Variants in GPD2 observed in about 807,000 individuals in gnomAD.
GPD2 encodes glycerol-3-phosphate dehydrogenase 2.
GPD2 carries 54 observed loss-of-function variants against 82.4 expected under a neutral mutation model. The ratio of observed to expected loss-of-function variants is 0.66; its 90% confidence interval spans 0.53 to 0.82. The LOEUF (loss-of-function observed/expected upper bound fraction) is 0.82, where lower values mean the gene tolerates loss of function less well. Ranked by LOEUF, GPD2 falls within the 40% of genes least tolerant of loss-of-function variation. GPD2 has a pLI of 0.00. For synonymous variants in GPD2, 288 were observed against 306.1 expected (o/e 0.94, Z 0.62); for missense variants, 748 against 896.2 (o/e 0.83, Z 2.11).
intron 3 of GPD2, among the ~76,000 whole-genome samples, chr2:156,506,025 G>C (rs1005478144): frequency 3.3e-5 from 5 of 152,172 alleles, no homozygotes; most frequent in Non-Finnish European, 7.3e-5. Context: ...TGGTTGGTTG[G>C]TTAATTAGTT....
intron 2 of GPD2, among the ~76,000 whole-genome samples, chr2:156,487,051 A>T (rs1162556905): frequency 6.6e-6 from 1 of 152,178 alleles, no homozygotes; most frequent in African/African-American, 2.4e-5. Context: ...CATGCCTGTA[A>T]TCCCAGCACT....
At chr2:156,526,809 C>CT (rs1157657575) in intron 6 of GPD2, among the ~76,000 whole-genome samples, 2 of 152,044 alleles carry the variant, frequency 1.3e-5, no homozygotes, top group African/African-American at 4.8e-5. Context: ...GAGGAAATAA[C>CT]TGACATTGCA....
At chr2:156,479,013 C>T (rs1284090256) in intron 2 of GPD2, among the ~76,000 whole-genome samples, 1 of 152,180 alleles carries the variant, frequency 6.6e-6, no homozygotes, top group Non-Finnish European at 1.5e-5. Context: ...TTGGTACTCC[C>T]AGGACAAAGC....
intron 12 of GPD2, 117 bp downstream of exon 12, chr2:156,570,335 A>C: frequency 1.2e-6 from 1 of 866,102 alleles, no homozygotes; most frequent in Non-Finnish European, 2.0e-6. Flanking sequence ...GTCAGCTAAA[A>C]CCAGGACTAC....
At chr2:156,567,249 A>G (rs1028684219) in intron 9 of GPD2, among the ~76,000 whole-genome samples, 7 of 151,636 alleles carry the variant, frequency 4.6e-5, no homozygotes, top group African/African-American at 1.7e-4. Context: ...TGTGCTTTTG[A>G]TGTCACATCC....
At chr2:156,438,012 A>G (rs1227724088) in intron 1 of GPD2, among the ~76,000 whole-genome samples, 1 of 152,190 alleles carries the variant, frequency 6.6e-6, no homozygotes, top group East Asian at 1.9e-4. Context: ...TGAGAGTAGC[A>G]GGGCTTGTTC....
chr2:156,561,253 G>T lies in GPD2; in HGVS notation c.1165+3671G>T, dbSNP rs144920679. 1.0e-3 allele frequency among the ~76,000 whole-genome samples: 155 copies of T among 151,778 alleles called. 1 individual carries two copies. In the East Asian group the frequency reaches 0.024, roughly 24 times the overall value. Reference sequence around the variant, plus strand: ...AGTACAGACTGTGTTTCACCATGTTGGTCAGGCTGGTCTCGAACTCCTGAC... The same window carrying T: ...AGTACAGACTGTGTTTCACCATGTTTGTCAGGCTGGTCTCGAACTCCTGAC... On this transcript the variant is annotated intron_variant, in intron 9 of 16. Transcript: ENST00000438166.
intron 9 of GPD2, among the ~76,000 whole-genome samples, chr2:156,562,319 A>G (rs575134013): frequency 6.6e-6 from 1 of 152,334 alleles, no homozygotes; most frequent in African/African-American, 2.4e-5. Context: ...TCATTGCCAG[A>G]GATTGTACCA....
intron 2 of GPD2, among the ~76,000 whole-genome samples, chr2:156,482,409 T>G (rs1294901734): frequency 6.6e-6 from 1 of 152,176 alleles, no homozygotes; most frequent in African/African-American, 2.4e-5. Context: ...CTTATATGAA[T>G]TATGGCATAC....
At chr2:156,412,895 G>T in the GPD2 span, among the ~76,000 whole-genome samples, 3 of 152,184 alleles carry the variant, frequency 2.0e-5, no homozygotes, top group African/African-American at 7.2e-5. Flanking sequence ...TCAGGAGTTT[G>T]AGACCAGCCT....
At chr2:156,483,328 T>C (rs1683804922) in intron 2 of GPD2, among the ~76,000 whole-genome samples, 1 of 152,184 alleles carries the variant, frequency 6.6e-6, no homozygotes, top group Admixed American at 6.5e-5. Context: ...AATTTCTTCA[T>C]AAAATAAAGA....
chr2:156,561,930 A>G (rs1687190227), intron 9 of GPD2, among the ~76,000 whole-genome samples: 1 of 152,232 alleles, frequency 6.6e-6, no homozygotes, highest in African/African-American at 2.4e-5. Context: ...TTCTTTTACA[A>G]TTTAGAAAGC....
chr2:156,551,165 C>T (rs565655863), intron 8 of GPD2, among the ~76,000 whole-genome samples: 1 of 150,852 alleles, frequency 6.6e-6, no homozygotes, highest in African/African-American at 2.4e-5. Flanking sequence ...GTGGGCTACC[C>T]AAGTATTCTT....
intron 3 of GPD2, chr2:156,501,639 A>C (rs1189297441): frequency 6.2e-6 from 1 of 161,328 alleles, no homozygotes; most frequent in African/African-American, 2.4e-5. Context: ...GGTAGGAGAA[A>C]ATTCTACTTC....
At chr2:156,419,645 T>A in the GPD2 span, among the ~76,000 whole-genome samples, 1 of 152,172 alleles carries the variant, frequency 6.6e-6, no homozygotes, top group Non-Finnish European at 1.5e-5. Context: ...ATAATCATCA[T>A]CCTCCTTATC....
chr2:156,446,644 G>T (rs1573874977), intron 1 of GPD2, among the ~76,000 whole-genome samples: 1 of 149,078 alleles, frequency 6.7e-6, no homozygotes, highest in Admixed American at 6.7e-5. Flanking sequence ...GCACGATCTT[G>T]GCTCACTGCA....
intron 1 of GPD2, among the ~76,000 whole-genome samples, chr2:156,440,545 C>G (rs1682131811): frequency 6.6e-6 from 1 of 152,144 alleles, no homozygotes; most frequent in African/African-American, 2.4e-5. Flanking sequence ...GATTTGATCT[C>G]TCGTTAGAGA....
At chr2:156,548,543 C>G (rs1284742840) in intron 6 of GPD2, among the ~76,000 whole-genome samples, 1 of 152,106 alleles carries the variant, frequency 6.6e-6, no homozygotes, top group East Asian at 1.9e-4. Flanking sequence ...TTGATTCTCT[C>G]TTTATAACTT....
the GPD2 span, among the ~76,000 whole-genome samples, chr2:156,419,802 A>G: frequency 4.5e-4 from 69 of 152,330 alleles, no homozygotes; most frequent in Middle Eastern, 3.4e-3. Flanking sequence ...TTAGGTACCA[A>G]TCAAAAACTT....
Sources: allele counts gnomAD v4.1 joint callset (sites outside exome capture counted in the v4.1 genomes callset), GRCh38; gene constraint gnomAD v4.1.1; transcripts MANE v1.5; gene names NCBI Gene and HGNC (gene_info 2026-07-23, HGNC 2026-07-21).